The following NEK10 variants were observed in gnomAD, a reference collection of about 807,000 sequenced individuals.
NEK10 encodes NIMA related kinase 10.
NEK10 carries 122 observed loss-of-function variants against 159.8 expected under a neutral mutation model. That is an observed-to-expected ratio of 0.76 (90% CI 0.66 to 0.89). The LOEUF (loss-of-function observed/expected upper bound fraction) is 0.89, where lower values mean the gene tolerates loss of function less well. Among genes scored for constraint, NEK10 ranks in the 40% least tolerant of loss-of-function variants. The pLI is 0.00. For missense variants in NEK10, 1,342 were observed against 1,323.1 expected (o/e 1.01, Z -0.22); for synonymous variants, 466 against 457.1 (o/e 1.02, Z -0.25).
intron 23 of NEK10, among the ~76,000 whole-genome samples, chr3:27,208,272 T>C (rs113164762): frequency 0.011 from 1,636 of 152,214 alleles, 14 homozygotes; most frequent in Non-Finnish European, 0.017. Flanking sequence ...TATTCAGATA[T>C]ATGGTGAGAT....
chr3:27,147,496 A>C (rs987421167), intron 30 of NEK10, among the ~76,000 whole-genome samples: 2 of 152,180 alleles, frequency 1.3e-5, no homozygotes, highest in African/African-American at 2.4e-5. Context: ...AGCTCCTTTC[A>C]CCTCTGGGTG....
intron 23 of NEK10, among the ~76,000 whole-genome samples, chr3:27,209,493 T>C (rs1950817377): frequency 6.6e-6 from 1 of 152,212 alleles, no homozygotes; most frequent in African/African-American, 2.4e-5. Context: ...TAACCACCAA[T>C]GAAATCAATG....
rs559436391 is a variant in NEK10 at position 27,256,683 on chromosome 3, A to G, written c.2015-312T>C. 8.5e-5 allele frequency among the ~76,000 whole-genome samples: 13 copies of G among 152,284 alleles called. No homozygotes were observed. In the South Asian group the frequency reaches 2.5e-3, roughly 29 times the overall value. ...GGGCAGTCATGACCTTGTCAGGCTA[A>G]AAGAAAAGTAAGGTACACCCAAATA... is the stretch of plus-strand genomic sequence containing the variant. On this transcript the variant is annotated intron_variant, in intron 22 of 35. Transcript: ENST00000691995.
intron 23 of NEK10, chr3:27,216,561 T>C (rs2149126516): frequency 6.6e-6 from 1 of 152,342 alleles, no homozygotes; most frequent in Non-Finnish European, 1.5e-5. Context: ...TTTTCAGAAC[T>C]CTACCTCTTG....
At position 27,271,195 on chromosome 3, in the gene NEK10, CTACCTAT is replaced by C. The variant is rs2041328946; in HGVS notation, c.2014+13400_2014+13406del. Among the ~76,000 whole-genome samples, 11 of 151,168 alleles carry C rather than the reference CTACCTAT, an allele frequency of 7.3e-5. No homozygotes were observed. The South Asian group carries it at 2.3e-3, about 32-fold the overall frequency. ...TCTATCTATCTATCTATCTATCTAT[CTACCTAT>C]CTATCTGTCTAACCTCTCCACCTAA... On this transcript the variant is annotated intron_variant, in intron 22 of 35. Coordinates refer to ENST00000691995, the MANE Select transcript of NEK10 (RefSeq NM_001394966.1).
intron 29 of NEK10, among the ~76,000 whole-genome samples, chr3:27,170,026 A>T (rs756051094): frequency 1.3e-5 from 2 of 152,194 alleles, no homozygotes; most frequent in Non-Finnish European, 2.9e-5. Flanking sequence ...TCAGGGACTG[A>T]ACTGGCTCCT....
intron 32 of NEK10, among the ~76,000 whole-genome samples, chr3:27,131,586 G>A (rs1182046925): frequency 6.6e-6 from 1 of 152,024 alleles, no homozygotes; most frequent in Non-Finnish European, 1.5e-5. Flanking sequence ...TAAAATATCA[G>A]AATATAATTC....
intron 35 of NEK10, among the ~76,000 whole-genome samples, chr3:27,112,843 CTACTAATTCTAAA>C (rs1274803584): frequency 6.6e-6 from 1 of 152,144 alleles, no homozygotes; most frequent in East Asian, 1.9e-4. Context: ...AAAATGCAGT[CTACTAATTCTAAA>C]TACTGATTCT....
rs1049204527 is a variant in NEK10 at position 27,284,961 on chromosome 3, T to G, written c.1790A>C (p.Asn597Thr). Residue 597 changes from asparagine to threonine, a missense_variant and splice_region_variant, in exon 21 of 36, where the codon AAT becomes ACT. Coordinates refer to ENST00000691995, the MANE Select transcript of NEK10 (RefSeq NM_001394966.1). ...IVRYYKTFLE[N>T]DRLYIVMELI... is the part of the protein sequence containing the mutation. ...CTCCATAACTATGTACAACCTATCATCTATATAAATATCACAAAAGGTCAC... is the reference window on the plus strand; with the variant it reads ...CTCCATAACTATGTACAACCTATCAGCTATATAAATATCACAAAAGGTCAC... The G allele has an allele frequency of 6.3e-7, 1 of 1,586,388 alleles. No individual in the cohort carries two copies. Among genetic ancestry groups the G allele is most frequent in the African/African-American group, 1.4e-5 (1 of 73,322 alleles).
intron 5 of NEK10, among the ~76,000 whole-genome samples, chr3:27,323,971 G>A (rs1233786919): frequency 1.3e-5 from 2 of 152,186 alleles, no homozygotes; most frequent in Admixed American, 1.3e-4. Context: ...GTAAAGGTAG[G>A]CACATTTTAG....
chr3:27,352,621 T>G lies in NEK10; in HGVS notation c.72-96A>C, dbSNP rs1402361217. On this transcript the variant is annotated intron_variant, in intron 2 of 35. Transcript: ENST00000691995. ...TGGCATTGCCACTTGGAGGCCTGCT[T>G]TTATCAACTGGAATGAATACACACA... The G allele has an allele frequency of 7.5e-6, 7 of 931,946 alleles. No homozygotes were observed. The East Asian group carries it at 1.7e-4, about 23-fold the overall frequency. The allele number at this position is 931,946 out of a possible 1,614,324, so 57.7% of individuals were successfully genotyped here. A position where few individuals can be genotyped will look rare whatever the true frequency, so the allele number is the denominator to read the frequency against.
chr3:27,114,494 G>T (rs1262397587), intron 35 of NEK10, among the ~76,000 whole-genome samples: 1 of 152,154 alleles, frequency 6.6e-6, no homozygotes. Flanking sequence ...AAAAGAGCAA[G>T]TAGTTGAATA....
At chr3:27,134,279 A>AG (rs1243925206) in intron 31 of NEK10, among the ~76,000 whole-genome samples, 1 of 152,192 alleles carries the variant, frequency 6.6e-6, no homozygotes, top group African/African-American at 2.4e-5. Flanking sequence ...TGGAGTAATG[A>AG]GGGGACCAGA....
chr3:27,177,930 T>C (rs1947684046), intron 26 of NEK10, among the ~76,000 whole-genome samples: 2 of 152,198 alleles, frequency 1.3e-5, no homozygotes, highest in African/African-American at 4.8e-5. Context: ...ATAATCTTTT[T>C]CACTTTCTAA....
At chr3:27,294,060 C>G (rs533542116) in intron 15 of NEK10, among the ~76,000 whole-genome samples, 2 of 152,284 alleles carry the variant, frequency 1.3e-5, no homozygotes, top group East Asian at 3.9e-4. Flanking sequence ...AAAATAAACA[C>G]TAGAAATGAT....
chr3:27,167,162 C>A (rs796093014), intron 29 of NEK10, among the ~76,000 whole-genome samples: 75 of 151,062 alleles, frequency 5.0e-4, no homozygotes, highest in African/African-American at 1.7e-3. Flanking sequence ...GCAACAGGAT[C>A]CTTTAAAAAA....
chr3:27,208,203 T>A (rs1950687446), intron 23 of NEK10, among the ~76,000 whole-genome samples: 1 of 151,996 alleles, frequency 6.6e-6, no homozygotes, highest in Admixed American at 6.6e-5. Context: ...TGCGGAAACT[T>A]GGAAAAACCA....
chr3:27,207,435 T>C (rs556877683), intron 23 of NEK10, among the ~76,000 whole-genome samples: 1 of 152,240 alleles, frequency 6.6e-6, no homozygotes, highest in South Asian at 2.1e-4. Context: ...CATTTAGAGA[T>C]GTCATAAAAG....
chr3:27,197,264 T>C (rs561946489), intron 25 of NEK10, among the ~76,000 whole-genome samples: 58 of 152,190 alleles, frequency 3.8e-4, no homozygotes, highest in South Asian at 1.2e-3. Context: ...CAACCTCCAC[T>C]TCCCAGATTC....
Sources: allele counts gnomAD v4.1 joint callset (sites outside exome capture counted in the v4.1 genomes callset), GRCh38; gene constraint gnomAD v4.1.1; transcripts MANE v1.5; gene names NCBI Gene and HGNC (gene_info 2026-07-23, HGNC 2026-07-21).